ATAT1: variants seen among roughly 807,000 people sequenced by gnomAD.
ATAT1 encodes the protein alpha tubulin acetyltransferase 1, also known as alpha-tubulin N-acetyltransferase 1.
A neutral mutation model predicts 57.2 loss-of-function variants in ATAT1; 42 were observed. That is an observed-to-expected ratio of 0.73 (90% CI 0.57 to 0.95). ATAT1 has a LOEUF of 0.95. Among genes scored for constraint, ATAT1 ranks in the 40% least tolerant of loss-of-function variants. The probability of loss-of-function intolerance (pLI) is 0.00; values close to 1 mark genes in which losing one functional copy is unlikely to be tolerated. For missense variants in ATAT1, 454 were observed against 523.7 expected (o/e 0.87, Z 1.30); for synonymous variants, 168 against 187.1 (o/e 0.90, Z 0.83).
chr6:30,646,391 C>T (rs934959366), intron 12 of ATAT1, 78 bp from the exon 13 acceptor site: 19 of 1,453,512 alleles, frequency 1.3e-5, no homozygotes, highest in Non-Finnish European at 1.7e-5. Context: ...AAACCTGGCC[C>T]GAGACCTTGA....
chr6:30,646,545 C>G lies in ATAT1; in HGVS notation c.1132C>G (p.Pro378Ala), dbSNP rs1477243902. Residue 378 changes from proline to alanine, a missense_variant, in exon 13 of 13, where the codon CCG becomes GCG. Around this residue, in one of 3 missense-constraint regions of ATAT1, gnomAD observed 216 missense variants for 222.2 expected, o/e 0.97. Transcript: ENST00000330083. The stretch of plus-strand genomic sequence containing the variant: ...CATGCACACAGCTCCTCCACAGGCC[C>G]CGGCCCCGCCAGCCCAGTCCTGGAC... 1 of 1,587,180 alleles carries G rather than the reference C, an allele frequency of 6.3e-7. No individual in the cohort carries two copies. The highest frequency in any genetic ancestry group is 8.6e-7 in the Non-Finnish European group (1 of 1,167,076).
chr6:30,643,623 C>G (rs1301390412), intron 10 of ATAT1: 1 of 1,550,132 alleles, frequency 6.5e-7, no homozygotes, highest in African/African-American at 1.4e-5. Context: ...CCCTGAGAAC[C>G]TCAGACCCAC....
chr6:30,627,968 C>G, intron 4 of ATAT1, 57 bp downstream of exon 4: 2 of 1,608,298 alleles, frequency 1.2e-6, no homozygotes, highest in Non-Finnish European at 1.7e-6. Flanking sequence ...AACAAAAGTG[C>G]TGGAGGTTAG....
chr6:30,636,266 C>A (rs1764047025), intron 6 of ATAT1, among the ~76,000 whole-genome samples: 1 of 152,102 alleles, frequency 6.6e-6, no homozygotes, highest in South Asian at 2.1e-4. Context: ...GAGGAACAGG[C>A]ATGAGCAAAG....
At chr6:30,643,123 G>GC (rs3214091) in intron 10 of ATAT1, 112 bp downstream of exon 10, 3 of 1,495,510 alleles carry the variant, frequency 2.0e-6, no homozygotes, top group African/African-American at 3.1e-5. Context: ...TGGGTGGCTT[G>GC]GGGGGGGTCC....
intron 6 of ATAT1, among the ~76,000 whole-genome samples, chr6:30,628,786 G>A (rs761543218): frequency 6.6e-6 from 1 of 151,520 alleles, no homozygotes; most frequent in Non-Finnish European, 1.5e-5. Context: ...TATATCTTTA[G>A]TGGAGACGGA....
chr6:30,641,741 T>C, intron 8 of ATAT1: 1 of 997,550 alleles, frequency 1.0e-6, no homozygotes, highest in East Asian at 1.1e-4. Flanking sequence ...CCCTGACCTC[T>C]CCAGAGCAAT....
At chr6:30,642,721 CTTT>C (rs752027480) in intron 9 of ATAT1, 44 bp from the exon 10 acceptor site, 1 of 1,263,628 alleles carries the variant, frequency 7.9e-7, no homozygotes, top group Non-Finnish European at 1.1e-6. Context: ...GACTCTCTTC[CTTT>C]TTTCTTCTTT....
chr6:30,632,197 C>T (rs1395345618), intron 6 of ATAT1, among the ~76,000 whole-genome samples: 3 of 144,680 alleles, frequency 2.1e-5, no homozygotes, highest in Non-Finnish European at 3.0e-5. Flanking sequence ...AACCGGGAGG[C>T]GGAGGTTGCA....
At chr6:30,643,647 C>A in intron 10 of ATAT1, 3 of 1,546,202 alleles carry the variant, frequency 1.9e-6, no homozygotes, top group South Asian at 2.4e-5. Context: ...TCCATTGCAT[C>A]CTGTAGGACC....
Position 30,627,167 on chromosome 6 carries a change from A to G in ATAT1, c.-37A>G. 1.9e-6 allele frequency: 3 copies of G among 1,613,142 alleles called. No homozygotes were observed. The highest frequency in any genetic ancestry group is 2.5e-6 in the Non-Finnish European group (3 of 1,179,502). ...GGATTGATCAGCGCTTGGATCTGTG[A>G]CCTTTCACCCCGGGCCCAAAATGTC... On this transcript the variant is annotated 5_prime_UTR_variant, in exon 1 of 13. Coordinates refer to ENST00000330083, the MANE Select transcript of ATAT1 (RefSeq NM_001031722.4).
Position 30,645,891 on chromosome 6 carries a change from A to G in ATAT1, c.933-4A>G, listed in dbSNP as rs1415045293. 6.7e-7 allele frequency: 1 copy of G among 1,483,218 alleles called. No individual in the cohort carries two copies. The highest frequency in any genetic ancestry group is 2.4e-5 in the East Asian group (1 of 41,778). 91.9% of individuals were successfully genotyped at this position (1,483,218 alleles called of 1,614,324 possible). A position where few individuals can be genotyped will look rare whatever the true frequency, so the allele number is the denominator to read the frequency against. ...CTCCCCATCATCTCCCATTTCTTCT[A>G]CAGGGGGACTCCCCCAGGTCTGGTA... On this transcript the variant is annotated splice_region_variant and splice_polypyrimidine_tract_variant and intron_variant, in intron 10 of 12. Transcript: ENST00000330083.
intron 6 of ATAT1, among the ~76,000 whole-genome samples, chr6:30,632,868 T>C (rs1763211382): frequency 6.9e-6 from 1 of 145,542 alleles, no homozygotes; most frequent in Non-Finnish European, 1.5e-5. Flanking sequence ...ATCAGGGAGG[T>C]AGAGGTTGCA....
At chr6:30,641,068 TCA>T (rs1373184169) in intron 8 of ATAT1, among the ~76,000 whole-genome samples, 1 of 151,494 alleles carries the variant, frequency 6.6e-6, no homozygotes, top group Non-Finnish European at 1.5e-5. Context: ...AAACCAAACC[TCA>T]GAGGCACTAA....
In ATAT1 at chr6:30,642,981, G is replaced by T. The variant is rs150614928; in HGVS notation, c.902G>T (p.Gly301Val). The T allele has an allele frequency of 8.3e-3, 13,428 of 1,613,906 alleles. 124 individuals are homozygous for T. The highest frequency in any genetic ancestry group is 0.045 in the Middle Eastern group (270 of 6,058). Residue 301 changes from glycine to valine, a missense_variant, in exon 10 of 13, where the codon GGG (glycine) becomes GTG (valine). Gly to Val is a moderately radical substitution (Grantham distance 109). Coordinates refer to ENST00000330083, the MANE Select transcript of ATAT1 (RefSeq NM_001031722.4). The stretch of plus-strand genomic sequence containing the variant: ...CGCCTTCTGTTGGCTGCTGACCCTG[G>T]GGGCAGCCCAGCTCAACGTCGTCGC...
Position 30,642,897 on chromosome 6 carries a change from T to C in ATAT1, c.818T>C (p.Phe273Ser). ...CCAGAACGAGGTCCCCTCCGCCCCT[T>C]TGTGCCAGAGCAGGAGCTGCTGCGT... The change falls in exon 10 of 13, where the codon TTT (phenylalanine) becomes TCT (serine). Residue 273 changes from phenylalanine to serine, a missense_variant. By Grantham distance (155) the Phe-to-Ser change is radical (BLOSUM62 -2). Coordinates refer to ENST00000330083, the MANE Select transcript of ATAT1 (RefSeq NM_001031722.4). The C allele has an allele frequency of 1.5e-6, 2 of 1,323,254 alleles. No homozygotes were observed. Among genetic ancestry groups the C allele is most frequent in the Non-Finnish European group, 9.9e-7 (1 of 1,011,812 alleles). The allele number at this position is 1,323,254 out of a possible 1,614,324, so 82.0% of individuals were successfully genotyped here. A position where few individuals can be genotyped will look rare whatever the true frequency, so the allele number is the denominator to read the frequency against.
intron 6 of ATAT1, among the ~76,000 whole-genome samples, chr6:30,636,038 G>A (rs898253811): frequency 2.0e-5 from 3 of 152,148 alleles, no homozygotes. Context: ...AATGGGCGGC[G>A]GGGGCGTTGA....
chr6:30,638,395 G>A (rs1035106180), intron 6 of ATAT1, among the ~76,000 whole-genome samples: 1 of 151,500 alleles, frequency 6.6e-6, no homozygotes, highest in Non-Finnish European at 1.5e-5. Flanking sequence ...TGGGGTCAAT[G>A]GATTCTCCTG....
chr6:30,637,837 A>G (rs1459043797), intron 6 of ATAT1, among the ~76,000 whole-genome samples: 1 of 150,632 alleles, frequency 6.6e-6, no homozygotes, highest in Non-Finnish European at 1.5e-5. Context: ...TTAGCTGGGC[A>G]TGGTGGCGCA....
Sources: gnomAD v4.1 joint callset for allele counts (sites outside exome capture counted in the v4.1 genomes callset) on GRCh38, gnomAD v4.1.1 for gene constraint, gnomAD v4.1.1 regional missense constraint, MANE v1.5 for transcripts, NCBI Gene and HGNC (gene_info 2026-07-23, HGNC 2026-07-21) for gene names.